The following MGAT4C variants were observed in gnomAD, a reference collection of about 807,000 sequenced individuals.
MGAT4C encodes MGAT4 family member C.
Under a neutral mutation model 40.1 loss-of-function variants are expected in MGAT4C, and 19 were observed. The ratio of observed to expected loss-of-function variants is 0.47; its 90% confidence interval spans 0.33 to 0.70. MGAT4C has a LOEUF of 0.70. MGAT4C is among the 30% of genes least tolerant of loss of function. MGAT4C has a pLI of 0.02. For synonymous variants in MGAT4C, 181 were observed against 187.1 expected (o/e 0.97, Z 0.27); for missense variants, 491 against 563.2 (o/e 0.87, Z 1.30).
At chr12:86,821,812 AG>A (rs937792416) in intron 1 of MGAT4C, among the ~76,000 whole-genome samples, 1 of 151,006 alleles carries the variant, frequency 6.6e-6, no homozygotes. Context: ...ACCCTGACAA[AG>A]GTTTAAAATT....
rs189000670 is a variant in MGAT4C at position 86,560,599 on chromosome 12, T to C, written c.-228-125334A>G. ...GATAAACCTCAATATTCTTTCATGA[T>C]AAAGTTTCTGGGCAAATTCAGCATA... On this transcript the variant is annotated intron_variant, in intron 2 of 7. Transcript: ENST00000548651. Among the ~76,000 whole-genome samples, 464 of 152,268 alleles carry C rather than the reference T, an allele frequency of 3.0e-3. 1 individual carries two copies. Among genetic ancestry groups the C allele is most frequent in the Middle Eastern group, 6.8e-3 (2 of 294 alleles).
rs1883581703 is a variant in MGAT4C, at chr12:85,970,689, T to A, written c.*8600A>T. 2 of 151,272 alleles carry A rather than the reference T, an allele frequency of 1.3e-5. No homozygotes were observed. Among genetic ancestry groups the A allele is most frequent in the South Asian group, 4.1e-4 (2 of 4,830 alleles). The allele number at this position is 151,272 out of a possible 1,614,324, so 9.4% of individuals were successfully genotyped here. A position where few individuals can be genotyped will look rare whatever the true frequency, so the allele number is the denominator to read the frequency against. On this transcript the variant is annotated 3_prime_UTR_variant, in exon 5 of 5. Transcript: ENST00000611864. ...TAGACTATTACAAATTCACAGTGCT[T>A]GTACAATTCAGATATTATTTTGCTT...
chr12:86,201,810 C>G (rs116534515), intron 1 of MGAT4C, among the ~76,000 whole-genome samples: 17 of 151,932 alleles, frequency 1.1e-4, no homozygotes, highest in Admixed American at 1.3e-4. Flanking sequence ...TGCCATAGAC[C>G]TTCTTTACCA....
chr12:86,565,364 T>G (rs759073575), intron 2 of MGAT4C, among the ~76,000 whole-genome samples: 1 of 149,714 alleles, frequency 6.7e-6, no homozygotes, highest in Non-Finnish European at 1.5e-5. Flanking sequence ...CTATGATCAG[T>G]TGACAGAGGA....
intron 2 of MGAT4C, among the ~76,000 whole-genome samples, chr12:86,528,208 T>C (rs752811736): frequency 1.3e-5 from 2 of 152,086 alleles, no homozygotes; most frequent in Non-Finnish European, 2.9e-5. Flanking sequence ...TATTTTTATA[T>C]AATCAAAAGT....
At chr12:86,705,919 T>C (rs1346281292) in intron 2 of MGAT4C, among the ~76,000 whole-genome samples, 1 of 152,196 alleles carries the variant, frequency 6.6e-6, no homozygotes, top group Non-Finnish European at 1.5e-5. Context: ...TCCTTTTCAA[T>C]GTATGATGCT....
chr12:86,446,012 A>T (rs1957327577), intron 2 of MGAT4C, among the ~76,000 whole-genome samples: 1 of 152,122 alleles, frequency 6.6e-6, no homozygotes, highest in Non-Finnish European at 1.5e-5. Flanking sequence ...TGTTCACTTA[A>T]GAATTTGCAA....
chr12:85,990,344 T>G (rs1885753541), intron 2 of MGAT4C, among the ~76,000 whole-genome samples: 1 of 152,150 alleles, frequency 6.6e-6, no homozygotes, highest in African/African-American at 2.4e-5. Context: ...TATTCATTAT[T>G]TTATAAAAAA....
intron 2 of MGAT4C, among the ~76,000 whole-genome samples, chr12:86,632,301 G>A (rs1331956466): frequency 1.3e-5 from 2 of 152,172 alleles, no homozygotes; most frequent in Non-Finnish European, 2.9e-5. Flanking sequence ...CTTTTACACT[G>A]TTGGGGGGAC....
At chr12:86,307,469 T>A (rs1953963271) in intron 4 of MGAT4C, among the ~76,000 whole-genome samples, 1 of 150,404 alleles carries the variant, frequency 6.6e-6, no homozygotes, top group African/African-American at 2.5e-5. Flanking sequence ...GAATTATTAC[T>A]ATCTAGCCAT....
chr12:86,268,726 C>CATATAT (rs1952857061), intron 4 of MGAT4C, among the ~76,000 whole-genome samples: 1 of 127,402 alleles, frequency 7.8e-6, no homozygotes, highest in Non-Finnish European at 1.9e-5. Context: ...CATACACACA[C>CATATAT]ACATACATAC....
At chr12:86,262,318 C>T (rs1049142986) in intron 4 of MGAT4C, among the ~76,000 whole-genome samples, 1 of 152,102 alleles carries the variant, frequency 6.6e-6, no homozygotes, top group African/African-American at 2.4e-5. Flanking sequence ...CTATCAGTCA[C>T]TCATAGTCAT....
chr12:86,627,956 G>A (rs1311210901), intron 2 of MGAT4C, among the ~76,000 whole-genome samples: 3 of 150,984 alleles, frequency 2.0e-5, no homozygotes, highest in African/African-American at 7.3e-5. Context: ...CTGAGCTAAA[G>A]GAGGATGTTC....
chr12:85,980,494 G>T, intron 4 of MGAT4C, 64 bp from the exon 5 acceptor site: 1 of 1,409,220 alleles, frequency 7.1e-7, no homozygotes, highest in Non-Finnish European at 9.5e-7. Flanking sequence ...GTAAAAGAGA[G>T]AAGATATTTA....
intron 3 of MGAT4C, among the ~76,000 whole-genome samples, chr12:86,379,871 T>C (rs1454962332): frequency 2.6e-5 from 4 of 152,096 alleles, no homozygotes; most frequent in African/African-American, 9.7e-5. Flanking sequence ...TTGTTAAAGG[T>C]ATTCATCTAA....
At chr12:86,617,442 T>C (rs1027231461) in intron 2 of MGAT4C, among the ~76,000 whole-genome samples, 1 of 152,112 alleles carries the variant, frequency 6.6e-6, no homozygotes, top group Non-Finnish European at 1.5e-5. Flanking sequence ...AAACACAAAA[T>C]GGATAAACCA....
rs535303532 is a variant in MGAT4C, at chr12:85,979,647, G to A, written c.1079C>T (p.Ala360Val). ...NVFENYEASK[A>V]YSSVDEYFWG... is the part of the protein sequence containing the mutation. The stretch of plus-strand genomic sequence containing the variant: ...AAAGTACTCATCAACACTACTGTAA[G>A]CCTTGCTTGCTTCATAATTTTCAAA... Residue 360 changes from alanine to valine, a missense_variant, in exon 5 of 5, where the codon GCT becomes GTT. Physicochemically the swap from Ala to Val is moderately conservative, Grantham distance 64 (BLOSUM62 0). Transcript: ENST00000611864. The A allele has an allele frequency of 6.2e-7, 1 of 1,612,516 alleles. No homozygotes were observed. The highest frequency in any genetic ancestry group is 8.5e-7 in the Non-Finnish European group (1 of 1,179,708).
intron 2 of MGAT4C, among the ~76,000 whole-genome samples, chr12:86,643,302 A>T (rs970000809): frequency 2.6e-5 from 4 of 151,830 alleles, no homozygotes; most frequent in African/African-American, 9.7e-5. Flanking sequence ...GGGGATTAGG[A>T]TTCCAACATA....
At chr12:86,821,051 T>C (rs919123235) in intron 1 of MGAT4C, among the ~76,000 whole-genome samples, 2 of 150,930 alleles carry the variant, frequency 1.3e-5, no homozygotes, top group Non-Finnish European at 3.0e-5. Context: ...TGTAATCTCT[T>C]TGGCAAAGCA....
Sources: gnomAD v4.1 joint callset for allele counts (sites outside exome capture counted in the v4.1 genomes callset) on GRCh38, gnomAD v4.1.1 for gene constraint, MANE v1.5 for transcripts, NCBI Gene and HGNC (gene_info 2026-07-23, HGNC 2026-07-21) for gene names.